The following VPS13D variants were observed in gnomAD, a reference collection of about 807,000 sequenced individuals.
VPS13D encodes intermembrane lipid transfer protein VPS13D.
In VPS13D, 187 loss-of-function variants were observed where a neutral mutation model predicts 461.9. The observed-to-expected ratio is 0.40, with a 90% confidence interval of 0.36 to 0.46. The LOEUF (loss-of-function observed/expected upper bound fraction) is 0.46, where lower values mean the gene tolerates loss of function less well. Ranked by LOEUF, VPS13D falls within the 20% of genes least tolerant of loss-of-function variation. The pLI, the probability that VPS13D is intolerant of heterozygous loss-of-function variation, is 0.60. For missense variants in VPS13D, 4,711 were observed against 5,364.9 expected (o/e 0.88, Z 3.81); for synonymous variants, 1,951 against 1,986.3 (o/e 0.98, Z 0.47).
chr1:12,281,054 G>A (rs900276900), intron 20 of VPS13D, among the ~76,000 whole-genome samples: 2 of 148,032 alleles, frequency 1.4e-5, no homozygotes, highest in Admixed American at 6.7e-5. Context: ...TGCCACATTT[G>A]TTTTATCTAT....
chr1:12,301,693 C>A (rs1340776311), intron 25 of VPS13D, among the ~76,000 whole-genome samples: 1 of 152,232 alleles, frequency 6.6e-6, no homozygotes, highest in African/African-American at 2.4e-5. Context: ...TCTAGCCCCG[C>A]TGCTCTCCCT....
At chr1:12,270,831 T>G (rs1641418878) in intron 16 of VPS13D, among the ~76,000 whole-genome samples, 163 bp from the exon 17 acceptor site, 1 of 152,010 alleles carries the variant, frequency 6.6e-6, no homozygotes, top group Non-Finnish European at 1.5e-5. Context: ...CCTCCTGCCT[T>G]GGCCTCCCAA....
At chr1:12,264,256 G>A (rs1036979850) in intron 13 of VPS13D, among the ~76,000 whole-genome samples, 3 of 152,152 alleles carry the variant, frequency 2.0e-5, no homozygotes, top group Admixed American at 6.6e-5. Flanking sequence ...TTGAAATTGG[G>A]CTAATAACCC....
intron 1 of VPS13D, among the ~76,000 whole-genome samples, chr1:12,231,577 G>A (rs947503165): frequency 6.6e-6 from 1 of 152,130 alleles, no homozygotes; most frequent in Non-Finnish European, 1.5e-5. Context: ...GAAATTAGTG[G>A]CAATAACTAC....
intron 7 of VPS13D, among the ~76,000 whole-genome samples, chr1:12,255,943 A>G (rs1393390400): frequency 2.6e-5 from 4 of 151,720 alleles, no homozygotes; most frequent in Admixed American, 2.6e-4. Flanking sequence ...AATTAAAAAT[A>G]CTAGAGAGTT....
At chr1:12,321,035 G>A (rs190955254) in intron 32 of VPS13D, among the ~76,000 whole-genome samples, 2 of 152,266 alleles carry the variant, frequency 1.3e-5, no homozygotes, top group Non-Finnish European at 1.5e-5. Context: ...GGACCCAAAT[G>A]ATTGGTCTTT....
Position 12,495,390 on chromosome 1 carries a change from C to T in VPS13D, c.12663-2110C>T, listed in dbSNP as rs916516728. Among the ~76,000 whole-genome samples the T allele has an allele frequency of 3.3e-5, 5 of 152,050 alleles. No homozygotes were observed. Among genetic ancestry groups the T allele is most frequent in the African/African-American group, 1.2e-4 (5 of 41,390 alleles). ...AGCCAGGATGATCTTGATCTCCTGA[C>T]CCTGTGATCCATCCGCCTCGGCCTC... On this transcript the variant is annotated intron_variant, in intron 67 of 69. Transcript: ENST00000620676. The surrounding 1 kb of genome is among the most constrained non-coding windows in gnomAD (Gnocchi z 4.0).
At chr1:12,346,761 C>A (rs532879158) in intron 44 of VPS13D, 109 bp downstream of exon 44, 4 of 1,071,918 alleles carry the variant, frequency 3.7e-6, no homozygotes, top group African/African-American at 1.6e-5. Flanking sequence ...GACATATATG[C>A]GATTGAAATT....
intron 2 of VPS13D, among the ~76,000 whole-genome samples, chr1:12,236,823 G>A (rs1640162460): frequency 2.0e-5 from 3 of 152,092 alleles, no homozygotes; most frequent in South Asian, 4.1e-4. Context: ...CCATTTACCA[G>A]TAACCTGGGT....
At chr1:12,362,906 T>A in intron 51 of VPS13D, 56 bp downstream of exon 51, 1 of 1,609,176 alleles carries the variant, frequency 6.2e-7, no homozygotes, top group Non-Finnish European at 8.5e-7. Flanking sequence ...CGAGTTTTAA[T>A]GTCATCTTCT....
chr1:12,297,960 T>C (rs2101451268), intron 24 of VPS13D, among the ~76,000 whole-genome samples: 1 of 152,334 alleles, frequency 6.6e-6, no homozygotes, highest in South Asian at 2.1e-4. Context: ...TCCATTAACA[T>C]ATAACTGAAC....
intron 42 of VPS13D, among the ~76,000 whole-genome samples, chr1:12,344,000 G>C (rs1449783779): frequency 1.3e-5 from 2 of 152,298 alleles, no homozygotes; most frequent in South Asian, 4.1e-4. Flanking sequence ...AACTGATCTG[G>C]GGAGACTGCT....
intron 13 of VPS13D, 132 bp downstream of exon 13, chr1:12,262,212 T>C: frequency 1.0e-6 from 1 of 991,932 alleles, no homozygotes; most frequent in South Asian, 1.9e-5. Flanking sequence ...TGTGGAACCA[T>C]TGCTCTTAGG....
At chr1:12,491,529 C>A (rs1018528422) in intron 67 of VPS13D, among the ~76,000 whole-genome samples, 1 of 152,152 alleles carries the variant, frequency 6.6e-6, no homozygotes, top group Admixed American at 6.5e-5. Flanking sequence ...CTCCCTGTGT[C>A]ACCTTGTTTG....
chr1:12,498,913 G>A (rs1230871222), intron 68 of VPS13D, among the ~76,000 whole-genome samples: 1 of 152,212 alleles, frequency 6.6e-6, no homozygotes, highest in South Asian at 2.1e-4. Context: ...ACTCCAAATG[G>A]TCACATTGGG....
At chr1:12,330,222 C>T (rs1643295875) in intron 37 of VPS13D, among the ~76,000 whole-genome samples, 1 of 152,064 alleles carries the variant, frequency 6.6e-6, no homozygotes, top group Non-Finnish European at 1.5e-5. Context: ...TCGAGACCAG[C>T]CTGGCCAATG....
chr1:12,396,201 T>C (rs1331795723), intron 60 of VPS13D, among the ~76,000 whole-genome samples: 1 of 151,222 alleles, frequency 6.6e-6, no homozygotes, highest in East Asian at 1.9e-4. Flanking sequence ...GCTGCTGGAG[T>C]GTCTGCTAGG....
At chr1:12,430,527 T>C (rs911125943) in intron 65 of VPS13D, among the ~76,000 whole-genome samples, 4 of 152,218 alleles carry the variant, frequency 2.6e-5, no homozygotes, top group African/African-American at 9.6e-5. Flanking sequence ...TTAGGTATGA[T>C]TATCATTTCC....
Position 12,460,272 on chromosome 1 carries a change from G to A in VPS13D, c.12538G>A (p.Gly4180Ser), listed in dbSNP as rs552663711. The A allele has an allele frequency of 6.2e-6, 10 of 1,612,008 alleles. No homozygotes were observed. Among genetic ancestry groups the A allele is most frequent in the South Asian group, 1.1e-5 (1 of 90,682 alleles). The change falls in exon 67 of 70, where the codon GGT (glycine) becomes AGT (serine). Residue 4180 changes from glycine to serine, a missense_variant. This residue lies in a region of VPS13D where 106 missense variants were observed against 206.2 expected (regional missense o/e 0.51). Coordinates refer to ENST00000620676, the MANE Select transcript of VPS13D (RefSeq NM_015378.4). Reference protein sequence around the residue: ...EGVKTEGGVSGFISGLGKGLV... With the variant: ...EGVKTEGGVSSFISGLGKGLV... Reference sequence around the variant, plus strand: ...TGTGAAAACAGAAGGGGGTGTCAGCGGTTTCATATCTGGCCTTGGAAAAGG... The same window carrying A: ...TGTGAAAACAGAAGGGGGTGTCAGCAGTTTCATATCTGGCCTTGGAAAAGG...
Sources: allele counts gnomAD v4.1 joint callset (sites outside exome capture counted in the v4.1 genomes callset), GRCh38; gene constraint gnomAD v4.1.1; regional missense constraint gnomAD v4.1.1; non-coding constraint Gnocchi (gnomAD v3.1); transcripts MANE v1.5; gene names NCBI Gene and HGNC (gene_info 2026-07-23, HGNC 2026-07-21).